Variants in KDM4C observed in about 807,000 individuals in gnomAD.
KDM4C encodes lysine demethylase 4C, also known as lysine-specific demethylase 4C.
Under a neutral mutation model 129.3 loss-of-function variants are expected in KDM4C, and 81 were observed. The ratio of observed to expected loss-of-function variants is 0.63; its 90% CI spans 0.52 to 0.75. KDM4C has a LOEUF of 0.75. Among genes scored for constraint, KDM4C ranks in the 30% least tolerant of loss-of-function variants. The pLI, the probability that KDM4C is intolerant of heterozygous loss-of-function variation, is 0.00. For synonymous variants in KDM4C, 573 were observed against 456.1 expected (o/e 1.26, Z -3.26); for missense variants, 1,457 against 1,304.0 (o/e 1.12, Z -1.81).
intron 4 of KDM4C, among the ~76,000 whole-genome samples, chr9:6,820,714 C>CTTTTTT (rs35264767): frequency 7.9e-6 from 1 of 127,168 alleles, no homozygotes; most frequent in Non-Finnish European, 1.6e-5. Flanking sequence ...CTCTCTCTCT[C>CTTTTTT]TTTTTTTTTT....
chr9:6,827,886 A>C (rs1480140630), intron 4 of KDM4C, among the ~76,000 whole-genome samples: 1 of 152,224 alleles, frequency 6.6e-6, no homozygotes, highest in Non-Finnish European at 1.5e-5. Flanking sequence ...TTAGTGAAGC[A>C]GGTCAGCTTG....
At chr9:6,925,583 A>G (rs1348032340) in intron 8 of KDM4C, 10 of 985,230 alleles carry the variant, frequency 1.0e-5, no homozygotes, top group African/African-American at 1.7e-5. Flanking sequence ...GGGAGCCACC[A>G]TGCCTGGGCA....
At chr9:6,911,499 A>T (rs1162912611) in intron 8 of KDM4C, among the ~76,000 whole-genome samples, 1 of 152,228 alleles carries the variant, frequency 6.6e-6, no homozygotes, top group Non-Finnish European at 1.5e-5. Flanking sequence ...ATAAGCTAGT[A>T]CATTAGTGAA....
chr9:6,869,805 C>T (rs1476168949), intron 5 of KDM4C, among the ~76,000 whole-genome samples: 1 of 152,234 alleles, frequency 6.6e-6, no homozygotes, highest in African/African-American at 2.4e-5. Flanking sequence ...CTGCCTGCAG[C>T]ATCCCCTATA....
At chr9:6,785,341 CTT>C (rs112696938) in intron 1 of KDM4C, among the ~76,000 whole-genome samples, 3 of 145,430 alleles carry the variant, frequency 2.1e-5, no homozygotes, top group Non-Finnish European at 1.5e-5. Context: ...TCCTCTTCCT[CTT>C]TTTTTTTTTT....
chr9:7,098,623 G>A (rs1836721759), intron 17 of KDM4C, among the ~76,000 whole-genome samples: 2 of 152,176 alleles, frequency 1.3e-5, no homozygotes, highest in Non-Finnish European at 2.9e-5. Context: ...TGGTGTCAGT[G>A]CACTGGGGAC....
intron 17 of KDM4C, among the ~76,000 whole-genome samples, chr9:7,071,409 A>G (rs905350826): frequency 1.3e-5 from 2 of 152,188 alleles, no homozygotes; most frequent in African/African-American, 4.8e-5. Context: ...TAAAGCTACA[A>G]TTAGCAAGTT....
At position 6,781,275 on chromosome 9, in the gene KDM4C, C is replaced by G. The variant is rs1824282787; in HGVS notation, c.-17-11697C>G. ...CTATAAAGTCATCATGAACAATGAA[C>G]TAGTAAATACTGAAATGTTGCTCCT... On this transcript the variant is annotated intron_variant, in intron 1 of 21. Coordinates refer to ENST00000381309, the MANE Select transcript of KDM4C (RefSeq NM_015061.6). 3.3e-5 allele frequency among the ~76,000 whole-genome samples: 5 copies of G among 152,280 alleles called. No individual in the cohort carries two copies. The South Asian group carries it at 1.0e-3, about 32-fold the overall frequency.
At chr9:6,741,891 TAC>T (rs34722839) in intron 1 of KDM4C, among the ~76,000 whole-genome samples, 89,434 of 149,238 alleles carry the variant, frequency 0.6, 27,698 homozygotes, top group African/African-American at 0.75. Context: ...AAAATGTTGT[TAC>T]ACACACACAC....
At chr9:6,887,396 A>G (rs978707050) in intron 6 of KDM4C, among the ~76,000 whole-genome samples, 2 of 152,234 alleles carry the variant, frequency 1.3e-5, no homozygotes, top group African/African-American at 4.8e-5. Flanking sequence ...CAGGCTGTTC[A>G]GGCAGGTTCT....
chr9:6,731,441 C>T (rs113627722), intron 1 of KDM4C, among the ~76,000 whole-genome samples: 16,650 of 151,100 alleles, frequency 0.11, 1,109 homozygotes, highest in African/African-American at 0.18. Context: ...ATTCTCCTGC[C>T]TCAGCCTCCT....
At chr9:7,157,598 T>A (rs1307700250) in intron 19 of KDM4C, among the ~76,000 whole-genome samples, 1 of 152,238 alleles carries the variant, frequency 6.6e-6, no homozygotes, top group Non-Finnish European at 1.5e-5. Context: ...CTTTTCTGCA[T>A]CTATTGAGAT....
chr9:6,823,056 T>A (rs1333611847), intron 4 of KDM4C, among the ~76,000 whole-genome samples: 1 of 152,214 alleles, frequency 6.6e-6, no homozygotes, highest in Non-Finnish European at 1.5e-5. Context: ...CTTCATTAAA[T>A]AGAGGTATAA....
chr9:7,161,881 A>G (rs972119779), intron 19 of KDM4C, among the ~76,000 whole-genome samples: 5 of 152,202 alleles, frequency 3.3e-5, no homozygotes, highest in Non-Finnish European at 7.3e-5. Context: ...TACCCCACAT[A>G]GTCATAGGAA....
At chr9:6,977,234 ATCT>A (rs1833072027) in intron 8 of KDM4C, among the ~76,000 whole-genome samples, 1 of 152,146 alleles carries the variant, frequency 6.6e-6, no homozygotes, top group African/African-American at 2.4e-5. Flanking sequence ...AATCTAATTG[ATCT>A]TCTACATTGG....
chr9:7,152,707 A>G (rs1399360706), intron 19 of KDM4C, among the ~76,000 whole-genome samples: 15 of 152,166 alleles, frequency 9.9e-5, no homozygotes, highest in Admixed American at 9.8e-4. Flanking sequence ...TGTTATGGGT[A>G]TTTTACCCCA....
chr9:6,821,787 A>G (rs1833072491), intron 4 of KDM4C, among the ~76,000 whole-genome samples: 1 of 151,980 alleles, frequency 6.6e-6, no homozygotes, highest in Non-Finnish European at 1.5e-5. Flanking sequence ...GGTGCATGCC[A>G]CCACACCTGT....
At chr9:7,158,410 C>G (rs111355360) in intron 19 of KDM4C, among the ~76,000 whole-genome samples, 25,457 of 151,302 alleles carry the variant, frequency 0.17, 2,777 homozygotes, top group Non-Finnish European at 0.22. Flanking sequence ...GCTCTTGCTT[C>G]TCTAGTTCTT....
intron 5 of KDM4C, among the ~76,000 whole-genome samples, chr9:6,875,804 G>C (rs1345519823): frequency 1.3e-5 from 2 of 152,176 alleles, no homozygotes; most frequent in Non-Finnish European, 1.5e-5. Context: ...AATGCCTTGA[G>C]TTCTTCCTGC....
Sources: gnomAD v4.1 joint callset for allele counts (sites outside exome capture counted in the v4.1 genomes callset) on GRCh38, gnomAD v4.1.1 for gene constraint, MANE v1.5 for transcripts, NCBI Gene and HGNC (gene_info 2026-07-23, HGNC 2026-07-21) for gene names.